TBCK: variants seen among roughly 807,000 people sequenced by gnomAD.
TBCK encodes the protein TBC domain-containing protein kinase-like protein.
In TBCK, 99 loss-of-function variants were observed where a neutral mutation model predicts 113.4. The observed-to-expected ratio is 0.87, with a 90% CI of 0.74 to 1.03. The LOEUF is 1.03. Ranked by LOEUF, TBCK falls within the 50% of genes least tolerant of loss-of-function variation. The pLI is 0.00. For missense variants in TBCK, 1,045 were observed against 1,061.3 expected, an observed-to-expected ratio of 0.98 and a Z score of 0.21; for synonymous variants, 369 against 370.8, an observed-to-expected ratio of 1.00 and a Z score of 0.05.
At chr4:106,101,864 A>C (rs1457534046) in intron 24 of TBCK, among the ~76,000 whole-genome samples, 1 of 152,246 alleles carries the variant, frequency 6.6e-6, no homozygotes, top group African/African-American at 2.4e-5. Context: ...CAACTATTAA[A>C]GAAAACAAGA....
At chr4:106,095,685 C>T in intron 24 of TBCK, 44 bp from the exon 25 acceptor site, 2 of 1,570,752 alleles carry the variant, frequency 1.3e-6, no homozygotes, top group Non-Finnish European at 8.7e-7. Context: ...GTGTGCAATC[C>T]TGAGTGTCTG....
intron 20 of TBCK, among the ~76,000 whole-genome samples, chr4:106,202,703 G>T (rs955625609): frequency 1.1e-4 from 16 of 152,022 alleles, no homozygotes; most frequent in Admixed American, 1.0e-3. Flanking sequence ...ATTGCAAATT[G>T]TGAGTGCTCA....
At chr4:106,236,931 TAG>T in intron 12 of TBCK, 123 bp from the exon 13 acceptor site, 1 of 465,284 alleles carries the variant, frequency 2.1e-6, no homozygotes, top group Non-Finnish European at 3.6e-6. Context: ...AAGTATAAAA[TAG>T]AGTCTAAAAA....
intron 25 of TBCK, among the ~76,000 whole-genome samples, chr4:106,075,511 T>C (rs1347519156): frequency 6.6e-6 from 1 of 152,224 alleles, no homozygotes; most frequent in East Asian, 1.9e-4. Context: ...ATCTGAATAG[T>C]CATGCTTCGA....
chr4:106,083,540 C>A (rs138971065), intron 25 of TBCK, among the ~76,000 whole-genome samples: 1 of 152,186 alleles, frequency 6.6e-6, no homozygotes, highest in Non-Finnish European at 1.5e-5. Context: ...GCAGCTCAGA[C>A]GAGTGGGTTT....
At chr4:106,084,126 TA>T (rs1739227491) in intron 25 of TBCK, among the ~76,000 whole-genome samples, 1 of 151,916 alleles carries the variant, frequency 6.6e-6, no homozygotes. Context: ...AGATGGGTAA[TA>T]AAAAACTATG....
At chr4:106,077,105 A>T (rs1738286710) in intron 25 of TBCK, among the ~76,000 whole-genome samples, 2 of 152,110 alleles carry the variant, frequency 1.3e-5, no homozygotes, top group Non-Finnish European at 2.9e-5. Context: ...AGTGTACCTT[A>T]AAAAAACAAA....
chr4:106,272,342 T>C (rs983277807), intron 3 of TBCK, among the ~76,000 whole-genome samples: 5 of 152,128 alleles, frequency 3.3e-5, no homozygotes, highest in Non-Finnish European at 7.3e-5. Context: ...TCTTAATGTG[T>C]GTATAGCCCC....
chr4:106,238,871 A>G (rs1181372368), intron 12 of TBCK: 1 of 152,168 alleles, frequency 6.6e-6, no homozygotes, highest in Non-Finnish European at 1.5e-5. Flanking sequence ...TAATTATCTA[A>G]TACTTGCAGG....
intron 19 of TBCK, among the ~76,000 whole-genome samples, chr4:106,214,559 G>A (rs1756621134): frequency 6.6e-6 from 1 of 152,178 alleles, no homozygotes; most frequent in East Asian, 1.9e-4. Context: ...CGAGAACTAT[G>A]TGAAGAATGC....
At chr4:106,247,649 T>G (rs952802175) in intron 9 of TBCK, 1 of 167,892 alleles carries the variant, frequency 6.0e-6, no homozygotes, top group African/African-American at 2.4e-5. Context: ...TTGGCTTTTC[T>G]TCCTGTCCTT....
chr4:106,301,371 A>C (rs1766921876), intron 2 of TBCK, among the ~76,000 whole-genome samples: 1 of 152,180 alleles, frequency 6.6e-6, no homozygotes, highest in African/African-American at 2.4e-5. Flanking sequence ...CCAAATAAAA[A>C]AGGATGCACT....
At chr4:106,084,560 A>G (rs766726185) in intron 25 of TBCK, among the ~76,000 whole-genome samples, 2 of 152,196 alleles carry the variant, frequency 1.3e-5, no homozygotes, top group Non-Finnish European at 2.9e-5. Flanking sequence ...AAAACAGACC[A>G]ACATGCAAAT....
intron 23 of TBCK, among the ~76,000 whole-genome samples, chr4:106,155,792 G>A (rs1287295983): frequency 6.6e-6 from 1 of 151,966 alleles, no homozygotes; most frequent in East Asian, 1.9e-4. Flanking sequence ...CCTTCTCTGT[G>A]TCATCTTGAA....
At chr4:106,174,620 C>T (rs1292721594) in intron 22 of TBCK, among the ~76,000 whole-genome samples, 4 of 152,062 alleles carry the variant, frequency 2.6e-5, no homozygotes, top group Non-Finnish European at 5.9e-5. Context: ...TTCAGTTACA[C>T]AAAAAGTATG....
intron 20 of TBCK, among the ~76,000 whole-genome samples, chr4:106,198,618 G>T (rs1332032176): frequency 6.6e-6 from 1 of 151,682 alleles, no homozygotes; most frequent in Admixed American, 6.6e-5. Context: ...ACTATGCTTT[G>T]TATCATATAT....
intron 25 of TBCK, among the ~76,000 whole-genome samples, chr4:106,056,442 T>TCC (rs1735411818): frequency 6.6e-6 from 1 of 151,538 alleles, no homozygotes; most frequent in South Asian, 2.1e-4. Context: ...TCTCTCTCTC[T>TCC]TTATATATAA....
intron 3 of TBCK, among the ~76,000 whole-genome samples, chr4:106,280,477 G>C (rs1764474455): frequency 6.6e-6 from 1 of 152,046 alleles, no homozygotes; most frequent in Non-Finnish European, 1.5e-5. Context: ...TATGCTTGTG[G>C]GGTATTACAC....
chr4:106,069,153 A>G (rs1264300259), intron 25 of TBCK, among the ~76,000 whole-genome samples: 1 of 151,974 alleles, frequency 6.6e-6, no homozygotes, highest in African/African-American at 2.4e-5. Context: ...GTTTAATTAG[A>G]TCTCATTTGT....
Sources: allele counts gnomAD v4.1 joint callset (sites outside exome capture counted in the v4.1 genomes callset), GRCh38; gene constraint gnomAD v4.1.1; transcripts MANE v1.5; gene names NCBI Gene and HGNC (gene_info 2026-07-23, HGNC 2026-07-21).